The following NRXN1 variants were observed in gnomAD, a reference collection of about 807,000 sequenced individuals.
The protein encoded by NRXN1 is neurexin-1.
In NRXN1, 39 loss-of-function variants were observed where a neutral mutation model predicts 150.9. The ratio of observed to expected loss-of-function variants is 0.26; its 90% CI spans 0.20 to 0.34. The LOEUF is 0.34. Ranked by LOEUF, NRXN1 falls within the 10% of genes least tolerant of loss-of-function variation. NRXN1 has a pLI of 1.00. For synonymous variants in NRXN1, 924 were observed against 757.0 expected, an observed-to-expected ratio of 1.22 and a Z score of -3.62; for missense variants, 1,815 against 1,949.9, an observed-to-expected ratio of 0.93 and a Z score of 1.30.
At chr2:49,923,340 T>C (rs1040695527) in intron 22 of NRXN1, among the ~76,000 whole-genome samples, 3 of 152,170 alleles carry the variant, frequency 2.0e-5, no homozygotes, top group Admixed American at 6.5e-5. Flanking sequence ...GTGTTTTCTG[T>C]TTTTCCCTGA....
intron 5 of NRXN1, among the ~76,000 whole-genome samples, chr2:50,907,404 C>T (rs1683870803): frequency 6.6e-6 from 1 of 152,040 alleles, no homozygotes; most frequent in Non-Finnish European, 1.5e-5. Flanking sequence ...GTTTGTTATA[C>T]TTTTCTCTTG....
At chr2:51,026,538 G>A in intron 2 of NRXN1, 2 of 1,022,120 alleles carry the variant, frequency 2.0e-6, no homozygotes, top group Admixed American at 2.2e-5. Flanking sequence ...TAAGCCCCAA[G>A]AACCACAGAA....
chr2:51,003,515 T>C (rs1428836248), intron 2 of NRXN1, among the ~76,000 whole-genome samples: 4 of 151,980 alleles, frequency 2.6e-5, no homozygotes, highest in East Asian at 3.9e-4. Flanking sequence ...ATCTAAAAAT[T>C]TGATTTATTT....
At chr2:50,472,934 T>C (rs2089659055) in intron 15 of NRXN1, among the ~76,000 whole-genome samples, 4 of 151,744 alleles carry the variant, frequency 2.6e-5, no homozygotes, top group African/African-American at 9.7e-5. Context: ...TGAGATGAAA[T>C]ATATCAAGCA....
intron 21 of NRXN1, among the ~76,000 whole-genome samples, chr2:50,019,947 CAAAAA>C (rs1161865745): frequency 2.8e-4 from 12 of 43,360 alleles, no homozygotes; most frequent in African/African-American, 8.9e-4. Flanking sequence ...GACTCCGTCT[CAAAAA>C]AAAAAAAAAA....
intron 17 of NRXN1, among the ~76,000 whole-genome samples, chr2:50,339,370 C>T (rs896146665): frequency 6.6e-6 from 1 of 152,112 alleles, no homozygotes; most frequent in African/African-American, 2.4e-5. Context: ...TTATGCAATA[C>T]ATTTAAACTG....
At chr2:50,170,052 T>C (rs1006664275) in intron 18 of NRXN1, among the ~76,000 whole-genome samples, 1 of 152,004 alleles carries the variant, frequency 6.6e-6, no homozygotes, top group Admixed American at 6.6e-5. Context: ...ACAAATACTT[T>C]TTTAAGCATG....
intron 17 of NRXN1, among the ~76,000 whole-genome samples, chr2:50,295,305 G>GA (rs1459844884): frequency 6.6e-6 from 1 of 152,104 alleles, no homozygotes; most frequent in Non-Finnish European, 1.5e-5. Context: ...AGAGAGTTTG[G>GA]ATAGGTCAAT....
At chr2:50,456,213 A>T (rs1204711808) in intron 17 of NRXN1, among the ~76,000 whole-genome samples, 1 of 152,100 alleles carries the variant, frequency 6.6e-6, no homozygotes, top group Non-Finnish European at 1.5e-5. Flanking sequence ...TGAACCTTTT[A>T]TGAAACTTGT....
intron 5 of NRXN1, among the ~76,000 whole-genome samples, chr2:50,704,038 G>A (rs937414662): frequency 1.3e-5 from 2 of 152,062 alleles, no homozygotes; most frequent in Non-Finnish European, 2.9e-5. Context: ...CTGGTGGATT[G>A]AATGGATTTC....
intron 21 of NRXN1, among the ~76,000 whole-genome samples, chr2:50,015,365 A>C (rs2152551421): frequency 6.6e-6 from 1 of 152,094 alleles, no homozygotes; most frequent in Admixed American, 6.5e-5. Context: ...AGTTTTGCAA[A>C]TCATATAGTG....
At chr2:50,413,441 T>C (rs2083326064) in intron 17 of NRXN1, among the ~76,000 whole-genome samples, 1 of 152,118 alleles carries the variant, frequency 6.6e-6, no homozygotes, top group Non-Finnish European at 1.5e-5. Flanking sequence ...TCACAGATCA[T>C]CGGAGAAATG....
chr2:50,970,315 G>A (rs1228173701), intron 2 of NRXN1, among the ~76,000 whole-genome samples: 1 of 152,040 alleles, frequency 6.6e-6, no homozygotes, highest in Admixed American at 6.6e-5. Context: ...AAAAACTTTA[G>A]CTTCTGAGGC....
rs536383388 is a variant in NRXN1 at position 49,923,878 on chromosome 2, TG to T, written c.4217-1628del. Among the ~76,000 whole-genome samples the T allele has an allele frequency of 1.4e-3, 216 of 152,378 alleles. 1 individual carries two copies. Among genetic ancestry groups the T allele is most frequent in the Non-Finnish European group, 1.5e-3 (103 of 68,030 alleles). ...AGCAGGTAAAACTTTTTATGCTGAA[TG>T]TGTCATTGCTTGTTTTACAAAAGCC... is the stretch of plus-strand genomic sequence containing the variant. On this transcript the variant is annotated intron_variant, in intron 22 of 22. Coordinates refer to ENST00000401669, the MANE Select transcript of NRXN1 (RefSeq NM_001330078.2).
Position 49,938,124 on chromosome 2 carries a change from A to C in NRXN1, c.4216+5580T>G, listed in dbSNP as rs1004718343. The stretch of plus-strand genomic sequence containing the variant: ...AATGAACTTTTGAAAAATCGATTCT[A>C]TATTTGTGAGGTGCCTGAATTTTAG... On this transcript the variant is annotated intron_variant, in intron 22 of 22. Coordinates refer to ENST00000401669, the MANE Select transcript of NRXN1 (RefSeq NM_001330078.2). Among the ~76,000 whole-genome samples the C allele has an allele frequency of 2.6e-5, 4 of 152,168 alleles. No homozygotes were observed. In the East Asian group the frequency reaches 7.7e-4, roughly 29 times the overall value.
At position 50,862,311 on chromosome 2, in the gene NRXN1, AATTT is replaced by A. The variant is rs1676259273; in HGVS notation, c.832+59554_832+59557del. Among the ~76,000 whole-genome samples, 3 of 152,094 alleles carry A rather than the reference AATTT, an allele frequency of 2.0e-5. No homozygotes were observed. The South Asian group carries it at 6.2e-4, about 31-fold the overall frequency. On this transcript the variant is annotated intron_variant, in intron 5 of 22. Transcript: ENST00000401669. ...ACCATTTTTATTCAGTGGTATCATAAATTTATTTGGAGGTACGATACTTTAGAAT... is the reference window on the plus strand; with the variant it reads ...ACCATTTTTATTCAGTGGTATCATAAATTTGGAGGTACGATACTTTAGAAT...
At chr2:50,483,424 A>G (rs557806199) in intron 15 of NRXN1, among the ~76,000 whole-genome samples, 1 of 152,278 alleles carries the variant, frequency 6.6e-6, no homozygotes, top group East Asian at 1.9e-4. Context: ...TTACTTCTCT[A>G]ATAAACTTGC....
chr2:50,145,012 T>C (rs1707805539), intron 18 of NRXN1, among the ~76,000 whole-genome samples: 1 of 151,788 alleles, frequency 6.6e-6, no homozygotes, highest in Non-Finnish European at 1.5e-5. Flanking sequence ...CTAATATAAA[T>C]GTAGCTATTT....
intron 2 of NRXN1, among the ~76,000 whole-genome samples, chr2:51,008,774 G>A (rs1162975775): frequency 2.6e-5 from 4 of 151,416 alleles, no homozygotes; most frequent in Admixed American, 1.3e-4. Context: ...AGCCACAAAT[G>A]TTTTCTTGGA....
Sources: allele counts gnomAD v4.1 joint callset (sites outside exome capture counted in the v4.1 genomes callset), GRCh38; gene constraint gnomAD v4.1.1; transcripts MANE v1.5; gene names NCBI Gene and HGNC (gene_info 2026-07-23, HGNC 2026-07-21).